The following PTPRD variants were observed in gnomAD, a reference collection of about 807,000 sequenced individuals.
The protein encoded by PTPRD is receptor-type tyrosine-protein phosphatase delta.
PTPRD carries 34 observed loss-of-function variants against 214.5 expected under a neutral mutation model. The ratio of observed to expected loss-of-function variants is 0.16; its 90% confidence interval spans 0.12 to 0.21. The LOEUF is 0.21. PTPRD is among the 10% of genes least tolerant of loss of function. The probability of loss-of-function intolerance (pLI) is 1.00; values close to 1 mark genes in which losing one functional copy is unlikely to be tolerated. For synonymous variants in PTPRD, 1,128 were observed against 845.7 expected, an observed-to-expected ratio of 1.33 and a Z score of -5.79; for missense variants, 2,545 against 2,398.7, an observed-to-expected ratio of 1.06 and a Z score of -1.27.
chr9:9,427,419 G>A (rs745507607), intron 8 of PTPRD, among the ~76,000 whole-genome samples: 13 of 152,196 alleles, frequency 8.5e-5, no homozygotes, highest in Non-Finnish European at 1.8e-4. Context: ...TATGTGAAAA[G>A]ACCAAATCTA....
chr9:10,457,766 G>A (rs1013257317), intron 2 of PTPRD, among the ~76,000 whole-genome samples: 2 of 152,042 alleles, frequency 1.3e-5, no homozygotes, highest in African/African-American at 2.4e-5. Context: ...CAATAGAAAT[G>A]TTGTTGGGTG....
intron 11 of PTPRD, among the ~76,000 whole-genome samples, chr9:8,931,247 G>T (rs2098950353): frequency 6.6e-6 from 1 of 151,858 alleles, no homozygotes. Context: ...GTTTTTGTCA[G>T]GTTTGTCAAA....
At chr9:10,456,503 TAAGAAA>T in intron 2 of PTPRD, among the ~76,000 whole-genome samples, 1 of 151,950 alleles carries the variant, frequency 6.6e-6, no homozygotes, top group Non-Finnish European at 1.5e-5. Context: ...GACTATAGTT[TAAGAAA>T]ATCAATTTTT....
intron 3 of PTPRD, among the ~76,000 whole-genome samples, chr9:10,295,337 T>C (rs1358881420): frequency 1.3e-5 from 2 of 152,104 alleles, no homozygotes; most frequent in Non-Finnish European, 2.9e-5. Flanking sequence ...ACCCAAACTA[T>C]AGGTGATTTT....
intron 9 of PTPRD, among the ~76,000 whole-genome samples, chr9:9,196,699 T>C (rs912319225): frequency 6.6e-6 from 1 of 152,226 alleles, no homozygotes; most frequent in South Asian, 2.1e-4. Context: ...ATCTAGCATA[T>C]TTCCTGTCTT....
intron 7 of PTPRD, among the ~76,000 whole-genome samples, chr9:9,609,713 T>A (rs542075293): frequency 1.3e-5 from 2 of 152,310 alleles, no homozygotes; most frequent in Admixed American, 1.3e-4. Flanking sequence ...TCCACCCGCC[T>A]TGTCCTCCCA....
At chr9:9,803,851 A>C (rs529230587) in intron 5 of PTPRD, 7 of 152,164 alleles carry the variant, frequency 4.6e-5, no homozygotes, top group African/African-American at 1.7e-4. Flanking sequence ...GTAATGAAAT[A>C]TCAGAAAGAT....
Position 8,319,906 on chromosome 9 carries a change from T to C in PTPRD, c.5595A>G (p.Arg1865=), listed in dbSNP as rs368116610. 4.3e-6 allele frequency: 7 copies of C among 1,613,028 alleles called. No homozygotes were observed. Among genetic ancestry groups the C allele is most frequent in the Non-Finnish European group, 5.9e-6 (7 of 1,179,482 alleles). Residue 1865 remains arginine, a synonymous_variant, in exon 45 of 46, where the codon AGA becomes AGG. Transcript: ENST00000381196. ...GGAAGATATCTACAACTCCTTCATA[T>C]CTCATTCTTTCCAAAACAATGCTTA... The part of the protein sequence containing the change: ...ITLSIVLERM[R]YEGVVDIFQT...
intron 12 of PTPRD, among the ~76,000 whole-genome samples, chr9:8,699,021 T>C (rs1023845294): frequency 1.3e-5 from 2 of 152,174 alleles, no homozygotes; most frequent in Non-Finnish European, 2.9e-5. Flanking sequence ...TTGTGAATTC[T>C]TTTCTTCTTT....
chr9:9,023,660 C>G (rs748041201), intron 10 of PTPRD, among the ~76,000 whole-genome samples: 5 of 151,944 alleles, frequency 3.3e-5, no homozygotes, highest in Non-Finnish European at 5.9e-5. Context: ...ATCCCCCGCT[C>G]TCCCTCCCCC....
At chr9:9,331,947 G>T (rs1388794894) in intron 9 of PTPRD, among the ~76,000 whole-genome samples, 1 of 152,012 alleles carries the variant, frequency 6.6e-6, no homozygotes, top group East Asian at 1.9e-4. Context: ...GTGACCTAGA[G>T]TTGTTGCTTG....
chr9:9,069,770 T>C (rs868463442), intron 10 of PTPRD, among the ~76,000 whole-genome samples: 1 of 152,176 alleles, frequency 6.6e-6, no homozygotes, highest in Non-Finnish European at 1.5e-5. Flanking sequence ...TAATTTAATA[T>C]GGAAACCTCA....
At chr9:10,429,483 T>C (rs181448848) in intron 2 of PTPRD, among the ~76,000 whole-genome samples, 19 of 152,068 alleles carry the variant, frequency 1.2e-4, no homozygotes, top group African/African-American at 4.1e-4. Context: ...CACAGTAAGA[T>C]ACTATTCAGT....
chr9:10,316,168 T>TATATATAC (rs5896387), intron 3 of PTPRD, among the ~76,000 whole-genome samples: 35,779 of 134,240 alleles, frequency 0.27, 4,828 homozygotes, highest in African/African-American at 0.45. Context: ...TATATCTATG[T>TATATATAC]ATATATACAT....
chr9:8,368,526 C>G (rs1196062547), intron 39 of PTPRD, among the ~76,000 whole-genome samples: 1 of 152,114 alleles, frequency 6.6e-6, no homozygotes, highest in African/African-American at 2.4e-5. Flanking sequence ...CCTCACCTCT[C>G]TTCCACTGCA....
intron 3 of PTPRD, among the ~76,000 whole-genome samples, chr9:10,140,151 G>C (rs553856188): frequency 6.6e-6 from 1 of 152,004 alleles, no homozygotes; most frequent in East Asian, 1.9e-4. Context: ...TGCAGAATGG[G>C]AGAAAATATT....
chr9:8,459,603 G>C (rs2096324552), intron 33 of PTPRD, among the ~76,000 whole-genome samples: 1 of 151,932 alleles, frequency 6.6e-6, no homozygotes, highest in African/African-American at 2.4e-5. Context: ...ACTGGCCAGT[G>C]CCCTAGGGGA....
chr9:8,725,962 T>G (rs2098551892), intron 12 of PTPRD, among the ~76,000 whole-genome samples: 1 of 151,854 alleles, frequency 6.6e-6, no homozygotes, highest in Non-Finnish European at 1.5e-5. Context: ...CCACACTGTT[T>G]AAAATTTTTA....
At chr9:10,472,750 T>C (rs1298378064) in intron 2 of PTPRD, among the ~76,000 whole-genome samples, 1 of 152,084 alleles carries the variant, frequency 6.6e-6, no homozygotes, top group African/African-American at 2.4e-5. Context: ...GGAGAATACT[T>C]ATAACATCCT....
Sources: gnomAD v4.1 joint callset for allele counts (sites outside exome capture counted in the v4.1 genomes callset) on GRCh38, gnomAD v4.1.1 for gene constraint, MANE v1.5 for transcripts, NCBI Gene and HGNC (gene_info 2026-07-23, HGNC 2026-07-21) for gene names.